Variants in NOL4 observed in about 807,000 individuals in gnomAD.
NOL4 encodes the protein cancer/testis antigen 125.
In NOL4, 17 loss-of-function variants were observed where a neutral mutation model predicts 75.9. The ratio of observed to expected loss-of-function variants is 0.22; its 90% CI spans 0.15 to 0.34. The LOEUF is 0.34. NOL4 is among the 10% of genes least tolerant of loss of function. The probability of loss-of-function intolerance (pLI) is 1.00; values close to 1 mark genes in which losing one functional copy is unlikely to be tolerated. For missense variants in NOL4, 614 were observed against 793.5 expected, an observed-to-expected ratio of 0.77 and a Z score of 2.72; for synonymous variants, 292 against 289.9, an observed-to-expected ratio of 1.01 and a Z score of -0.07.
rs556398781 is a variant in NOL4 at position 34,010,272 on chromosome 18, C to T, written c.1056+9046G>A. Among the ~76,000 whole-genome samples, 6 of 151,916 alleles carry T rather than the reference C, an allele frequency of 3.9e-5. No homozygotes were observed. The South Asian group carries it at 1.2e-3, about 31-fold the overall frequency. On this transcript the variant is annotated intron_variant, in intron 6 of 10. Transcript: ENST00000261592. Reference sequence around the variant, plus strand: ...CACAGGCAAAATTTGTCTTTATGTGCTTGTCTTATTTCACTTAACATGTCC... The same window carrying T: ...CACAGGCAAAATTTGTCTTTATGTGTTTGTCTTATTTCACTTAACATGTCC...
At chr18:34,159,238 C>A (rs889859999) in intron 1 of NOL4, among the ~76,000 whole-genome samples, 1 of 152,194 alleles carries the variant, frequency 6.6e-6, no homozygotes, top group African/African-American at 2.4e-5. Context: ...CCGGGCGCCG[C>A]GCTCCGCGAG....
chr18:34,028,306 C>T (rs897181108), intron 5 of NOL4, among the ~76,000 whole-genome samples: 8 of 152,220 alleles, frequency 5.3e-5, no homozygotes, highest in Non-Finnish European at 8.8e-5. Context: ...CTGAGCTTTG[C>T]AGCACCTGAT....
intron 5 of NOL4, among the ~76,000 whole-genome samples, chr18:34,049,552 AG>A (rs1197389568): frequency 7.2e-5 from 11 of 152,142 alleles, no homozygotes; most frequent in Admixed American, 2.0e-4. Flanking sequence ...GGGCAGGAAA[AG>A]TTTTCCCCTC....
intron 6 of NOL4, among the ~76,000 whole-genome samples, chr18:33,968,751 C>A (rs1021095678): frequency 6.6e-6 from 1 of 152,056 alleles, no homozygotes; most frequent in Non-Finnish European, 1.5e-5. Context: ...ATGTAACAAA[C>A]CTGCACATGT....
chr18:33,894,053 A>T (rs2065255544), intron 9 of NOL4, among the ~76,000 whole-genome samples: 1 of 152,088 alleles, frequency 6.6e-6, no homozygotes, highest in Non-Finnish European at 1.5e-5. Context: ...CCTTTGCTCC[A>T]TTAGTACAGA....
intron 1 of NOL4, among the ~76,000 whole-genome samples, chr18:34,211,816 G>A (rs192554996): frequency 2.6e-5 from 4 of 152,164 alleles, no homozygotes; most frequent in Non-Finnish European, 1.5e-5. Flanking sequence ...ACGTAGAGAG[G>A]AGAGACTAAT....
chr18:33,885,564 A>G (rs1247295899), intron 9 of NOL4, among the ~76,000 whole-genome samples: 1 of 152,204 alleles, frequency 6.6e-6, no homozygotes, highest in Non-Finnish European at 1.5e-5. Context: ...CAGGCTTATG[A>G]AAAGGTGCTC....
At chr18:33,933,798 C>G (rs142034860) in intron 9 of NOL4, among the ~76,000 whole-genome samples, 2 of 152,088 alleles carry the variant, frequency 1.3e-5, no homozygotes, top group Non-Finnish European at 2.9e-5. Context: ...AAGTCACCCA[C>G]GAGGGTCGGA....
chr18:34,064,977 C>CA (rs2077213492), intron 5 of NOL4, among the ~76,000 whole-genome samples: 4 of 149,312 alleles, frequency 2.7e-5, no homozygotes, highest in African/African-American at 7.4e-5. Flanking sequence ...GTTTTTATGC[C>CA]AAAAAAGAAA....
intron 6 of NOL4, among the ~76,000 whole-genome samples, chr18:33,966,125 T>G (rs2070564424): frequency 6.6e-6 from 1 of 152,192 alleles, no homozygotes; most frequent in African/African-American, 2.4e-5. Context: ...TAGAGCATTG[T>G]TTTAGGTTCA....
chr18:34,067,400 A>T (rs1009497379), intron 5 of NOL4, among the ~76,000 whole-genome samples: 1 of 152,122 alleles, frequency 6.6e-6, no homozygotes, highest in Non-Finnish European at 1.5e-5. Context: ...GGCTTTGAGT[A>T]AAAAAAGCCA....
intron 4 of NOL4, among the ~76,000 whole-genome samples, 165 bp from the exon 5 acceptor site, chr18:34,093,762 G>A (rs118127115): frequency 4.0e-4 from 61 of 152,276 alleles, no homozygotes; most frequent in Non-Finnish European, 7.6e-4. Context: ...ACAATGGGCC[G>A]GGCGTGGTGG....
intron 1 of NOL4, among the ~76,000 whole-genome samples, chr18:34,157,367 G>C (rs530867133): frequency 6.6e-6 from 1 of 152,084 alleles, no homozygotes; most frequent in Non-Finnish European, 1.5e-5. Flanking sequence ...TAGGGGCATA[G>C]GGTCATTAAC....
intron 1 of NOL4, among the ~76,000 whole-genome samples, chr18:34,141,563 G>C (rs144773905): frequency 2.3e-3 from 352 of 152,252 alleles, no homozygotes; most frequent in African/African-American, 7.8e-3. Flanking sequence ...TGACAAACCT[G>C]ACAAAAACAA....
chr18:34,102,016 G>T (rs2145646440), intron 4 of NOL4, among the ~76,000 whole-genome samples: 1 of 151,736 alleles, frequency 6.6e-6, no homozygotes, highest in South Asian at 2.1e-4. Context: ...GCAGCTACTA[G>T]ATATATACCT....
chr18:33,967,218 C>A (rs1057359488), intron 6 of NOL4, among the ~76,000 whole-genome samples: 1 of 152,068 alleles, frequency 6.6e-6, no homozygotes, highest in Admixed American at 6.6e-5. Context: ...CAAACACAAG[C>A]AATAGGGAAA....
intron 1 of NOL4, among the ~76,000 whole-genome samples, chr18:34,169,419 G>C (rs1387867689): frequency 6.7e-6 from 1 of 149,930 alleles, no homozygotes; most frequent in Admixed American, 6.7e-5. Flanking sequence ...TTTTTAATGT[G>C]CAGGAAAAAG....
intron 8 of NOL4, among the ~76,000 whole-genome samples, chr18:33,944,259 A>T (rs1335950388): frequency 6.6e-6 from 1 of 151,900 alleles, no homozygotes; most frequent in Non-Finnish European, 1.5e-5. Flanking sequence ...TTTCTAAAGG[A>T]ATTGAAACAA....
intron 6 of NOL4, among the ~76,000 whole-genome samples, chr18:33,967,263 T>C (rs1433905587): frequency 6.6e-6 from 1 of 152,188 alleles, no homozygotes; most frequent in Non-Finnish European, 1.5e-5. Flanking sequence ...CTGGGATAAC[T>C]GGCTACCCAT....
Sources: allele counts gnomAD v4.1 joint callset (sites outside exome capture counted in the v4.1 genomes callset), GRCh38; gene constraint gnomAD v4.1.1; transcripts MANE v1.5; gene names NCBI Gene and HGNC (gene_info 2026-07-23, HGNC 2026-07-21).